Variants in ST6GALNAC3 observed in about 807,000 individuals in gnomAD.
The protein encoded by ST6GALNAC3 is ST6 N-acetylgalactosaminide alpha-2,6-sialyltransferase 3, also known as alpha-N-acetylgalactosaminide alpha-2,6-sialyltransferase 3.
In ST6GALNAC3, 25 loss-of-function variants were observed where a neutral mutation model predicts 32.7. That is an observed-to-expected ratio of 0.76 (90% CI 0.56 to 1.07). The LOEUF (loss-of-function observed/expected upper bound fraction) is 1.07, where lower values mean the gene tolerates loss of function less well. ST6GALNAC3 is among the 50% of genes least tolerant of loss of function. The pLI is 0.00. For missense variants in ST6GALNAC3, 355 were observed against 382.4 expected (o/e 0.93, Z 0.60); for synonymous variants, 129 against 133.1 (o/e 0.97, Z 0.21).
chr1:76,139,086 A>C (rs1047300693), intron 1 of ST6GALNAC3, among the ~76,000 whole-genome samples: 13 of 151,838 alleles, frequency 8.6e-5, no homozygotes, highest in African/African-American at 1.5e-4. Flanking sequence ...CCCAGCTACT[A>C]GGGAGGCTGA....
chr1:76,547,558 C>G (rs189948229), intron 3 of ST6GALNAC3, among the ~76,000 whole-genome samples: 1 of 152,120 alleles, frequency 6.6e-6, no homozygotes, highest in Non-Finnish European at 1.5e-5. Flanking sequence ...AAAGGGTGTA[C>G]TTTCTGGACT....
chr1:76,260,596 G>A (rs777529312), intron 1 of ST6GALNAC3, among the ~76,000 whole-genome samples: 1 of 152,192 alleles, frequency 6.6e-6, no homozygotes, highest in Non-Finnish European at 1.5e-5. Flanking sequence ...GAAGTAAGTC[G>A]TGGAGATGAG....
At chr1:76,178,522 C>T (rs1173111945) in intron 1 of ST6GALNAC3, among the ~76,000 whole-genome samples, 1 of 152,152 alleles carries the variant, frequency 6.6e-6, no homozygotes, top group East Asian at 1.9e-4. Flanking sequence ...TCTTTCTTCC[C>T]TGTAGATTGT....
chr1:76,230,541 T>C (rs1656313278), intron 1 of ST6GALNAC3, among the ~76,000 whole-genome samples: 1 of 152,190 alleles, frequency 6.6e-6, no homozygotes, highest in African/African-American at 2.4e-5. Context: ...TTTATGTTGT[T>C]ATGATTAGGT....
intron 1 of ST6GALNAC3, among the ~76,000 whole-genome samples, chr1:76,256,978 G>A (rs140524928): frequency 3.3e-4 from 50 of 152,250 alleles, no homozygotes; most frequent in African/African-American, 1.2e-3. Context: ...TGGTTTTGAT[G>A]AATCTCCAAA....
chr1:76,395,936 T>C (rs981244186), intron 2 of ST6GALNAC3, among the ~76,000 whole-genome samples: 5 of 152,090 alleles, frequency 3.3e-5, no homozygotes, highest in African/African-American at 1.2e-4. Flanking sequence ...AATAAGGTAT[T>C]GTATTTTGCA....
chr1:76,392,295 A>G (rs960217994), intron 2 of ST6GALNAC3, among the ~76,000 whole-genome samples: 1 of 152,246 alleles, frequency 6.6e-6, no homozygotes, highest in Non-Finnish European at 1.5e-5. Context: ...TCTAAAGACT[A>G]GATTTCTCAA....
intron 1 of ST6GALNAC3, among the ~76,000 whole-genome samples, chr1:76,184,562 C>CACACACACA (rs1553163156): frequency 6.8e-6 from 1 of 147,978 alleles, no homozygotes. Flanking sequence ...CACACACACA[C>CACACACACA]GAAACATATG....
chr1:76,246,714 A>G (rs1274341822), intron 1 of ST6GALNAC3, among the ~76,000 whole-genome samples: 1 of 152,154 alleles, frequency 6.6e-6, no homozygotes, highest in Non-Finnish European at 1.5e-5. Flanking sequence ...GTAACCTTTT[A>G]TCAAGGTGCT....
chr1:76,607,290 C>A (rs1647621813), intron 3 of ST6GALNAC3, among the ~76,000 whole-genome samples: 1 of 152,176 alleles, frequency 6.6e-6, no homozygotes, highest in Admixed American at 6.5e-5. Context: ...GTTCTTGGAA[C>A]ACCATTGTTT....
At chr1:76,276,424 G>T (rs1176251839) in intron 1 of ST6GALNAC3, among the ~76,000 whole-genome samples, 7 of 152,048 alleles carry the variant, frequency 4.6e-5, no homozygotes, top group Non-Finnish European at 1.0e-4. Flanking sequence ...TATCATCTAT[G>T]TGTATTTCTT....
At chr1:76,219,595 G>A (rs962137966) in intron 1 of ST6GALNAC3, among the ~76,000 whole-genome samples, 3 of 152,204 alleles carry the variant, frequency 2.0e-5, no homozygotes, top group East Asian at 3.8e-4. Context: ...ATCACATGGC[G>A]ATTTTCCTGG....
At chr1:76,103,992 T>G (rs1275090341) in intron 1 of ST6GALNAC3, among the ~76,000 whole-genome samples, 4 of 152,204 alleles carry the variant, frequency 2.6e-5, no homozygotes, top group Non-Finnish European at 5.9e-5. Flanking sequence ...ATATCTTTTT[T>G]GGGGCCACCT....
At chr1:76,085,038 G>T (rs1646946968) in intron 1 of ST6GALNAC3, among the ~76,000 whole-genome samples, 1 of 152,120 alleles carries the variant, frequency 6.6e-6, no homozygotes, top group African/African-American at 2.4e-5. Flanking sequence ...AACAAGCCCG[G>T]CTTGCTGCCT....
At chr1:76,501,044 G>A (rs1661147569) in intron 3 of ST6GALNAC3, among the ~76,000 whole-genome samples, 2 of 152,186 alleles carry the variant, frequency 1.3e-5, no homozygotes, top group African/African-American at 4.8e-5. Context: ...AGGAGGAGGA[G>A]GAAGACTGGA....
chr1:76,623,000 A>T (rs1381933197), intron 3 of ST6GALNAC3, among the ~76,000 whole-genome samples: 1 of 151,932 alleles, frequency 6.6e-6, no homozygotes, highest in Admixed American at 6.6e-5. Context: ...GGTACAGGCA[A>T]ATGAAGGTTG....
At chr1:76,277,062 G>A (rs1659172233) in intron 1 of ST6GALNAC3, among the ~76,000 whole-genome samples, 1 of 151,980 alleles carries the variant, frequency 6.6e-6, no homozygotes, top group Non-Finnish European at 1.5e-5. Context: ...CTAATCCAGG[G>A]TCAGTTATAC....
intron 1 of ST6GALNAC3, among the ~76,000 whole-genome samples, chr1:76,141,500 A>G (rs1005334518): frequency 1.3e-5 from 2 of 152,182 alleles, no homozygotes; most frequent in Non-Finnish European, 2.9e-5. Context: ...ATGTCAGAGG[A>G]GGAGAATCAG....
chr1:76,432,201 G>C (rs959643382), intron 3 of ST6GALNAC3, among the ~76,000 whole-genome samples: 2 of 151,950 alleles, frequency 1.3e-5, no homozygotes, highest in Admixed American at 1.3e-4. Flanking sequence ...TAGCTCATTT[G>C]TTTTTAGTGC....
Sources: allele counts gnomAD v4.1 joint callset (sites outside exome capture counted in the v4.1 genomes callset), GRCh38; gene constraint gnomAD v4.1.1; transcripts MANE v1.5; gene names NCBI Gene and HGNC (gene_info 2026-07-23, HGNC 2026-07-21).